The following TYR variants were observed in gnomAD, a reference collection of about 807,000 sequenced individuals.
TYR encodes the protein LB24-AB.
Under a neutral mutation model 51.5 loss-of-function variants are expected in TYR, and 58 were observed. That is an observed-to-expected ratio of 1.13 (90% CI 0.91 to 1.40). TYR has a LOEUF of 1.40. TYR is among the 40% of genes most tolerant of loss of function. The probability of loss-of-function intolerance (pLI) is 0.00; values close to 1 mark genes in which losing one functional copy is unlikely to be tolerated. For missense variants in TYR, 732 were observed against 647.4 expected (o/e 1.13, Z -1.42); for synonymous variants, 263 against 235.2 (o/e 1.12, Z -1.08).
intron 1 of TYR, among the ~76,000 whole-genome samples, chr11:89,189,740 T>A (rs1943417755): frequency 6.6e-6 from 1 of 152,070 alleles, no homozygotes; most frequent in Admixed American, 6.6e-5. Context: ...ATTATCTTCA[T>A]TTGATAGATG....
intron 2 of TYR, among the ~76,000 whole-genome samples, chr11:89,219,125 G>C (rs1316963030): frequency 1.3e-5 from 2 of 152,064 alleles, no homozygotes; most frequent in Non-Finnish European, 2.9e-5. Flanking sequence ...TAAAGTTACT[G>C]TCTTGCATGC....
At chr11:89,184,335 CAA>C (rs2135247035) in intron 1 of TYR, among the ~76,000 whole-genome samples, 1 of 152,132 alleles carries the variant, frequency 6.6e-6, no homozygotes, top group Non-Finnish European at 1.5e-5. Context: ...TGAGATTACT[CAA>C]AGAGGAATAA....
chr11:89,282,750 C>T (rs1162232965), intron 3 of TYR, among the ~76,000 whole-genome samples: 1 of 151,750 alleles, frequency 6.6e-6, no homozygotes, highest in Non-Finnish European at 1.5e-5. Context: ...TCTAATTTCT[C>T]ATTTTTGCCT....
chr11:89,285,452 T>C (rs1265665339), intron 4 of TYR, among the ~76,000 whole-genome samples: 1 of 151,740 alleles, frequency 6.6e-6, no homozygotes, highest in African/African-American at 2.4e-5. Context: ...TTTGTAGAAA[T>C]CTTGAACTTA....
At chr11:89,284,570 A>G (rs1403772984) in intron 3 of TYR, among the ~76,000 whole-genome samples, 4 of 151,916 alleles carry the variant, frequency 2.6e-5, no homozygotes, top group Admixed American at 2.0e-4. Flanking sequence ...AGCTAGCCTC[A>G]ATATTTATTT....
rs772562222 is a variant in TYR at position 89,178,041 on chromosome 11, C to G, written c.88C>G (p.Leu30Val). The G allele has an allele frequency of 6.2e-7, 1 of 1,614,202 alleles. No individual in the cohort carries two copies. Among genetic ancestry groups the G allele is most frequent in the South Asian group, 1.1e-5 (1 of 91,088 alleles). ...TAGAGCCTGTGTCTCCTCTAAGAAC[C>G]TGATGGAGAAGGAATGCTGTCCACC... is the stretch of plus-strand genomic sequence containing the variant. The part of the protein sequence containing the change: ...FPRACVSSKN[L>V]MEKECCPPWS... Residue 30 changes from leucine to valine, a missense_variant, in exon 1 of 5, where the codon CTG (leucine) becomes GTG (valine). Coordinates refer to ENST00000263321, the MANE Select transcript of TYR (RefSeq NM_000372.5).
At chr11:89,294,558 C>G (rs1713897620) in intron 4 of TYR, among the ~76,000 whole-genome samples, 1 of 152,206 alleles carries the variant, frequency 6.6e-6, no homozygotes, top group South Asian at 2.1e-4. Flanking sequence ...CACTGCGGCC[C>G]GGTAACCAAG....
chr11:89,240,552 T>C (rs1482800778), intron 3 of TYR, among the ~76,000 whole-genome samples: 4 of 152,168 alleles, frequency 2.6e-5, no homozygotes, highest in Non-Finnish European at 5.9e-5. Flanking sequence ...AATGTTTTAA[T>C]GGTACTTTTT....
At chr11:89,227,313 T>G (rs1408072369) in intron 2 of TYR, among the ~76,000 whole-genome samples, 1 of 152,140 alleles carries the variant, frequency 6.6e-6, no homozygotes, top group East Asian at 1.9e-4. Context: ...CATTATGAAC[T>G]GATATGAAAG....
Position 89,295,047 on chromosome 11 carries a change from A to G in TYR, c.1367-96A>G, listed in dbSNP as rs1004916683. On this transcript the variant is annotated intron_variant, in intron 4 of 4. Transcript: ENST00000263321. ...AGTAGTAGAGCTGGCCTTCAAACCC[A>G]GGTGTCTACTCCAAAGGACTGTGAA... The G allele has an allele frequency of 3.8e-6, 6 of 1,559,894 alleles. No homozygotes were observed. In the African/African-American group the frequency reaches 5.4e-5, roughly 14 times the overall value.
chr11:89,198,774 T>G (rs1943558217), intron 2 of TYR, among the ~76,000 whole-genome samples: 1 of 151,776 alleles, frequency 6.6e-6, no homozygotes. Flanking sequence ...TATATATTTT[T>G]ATACTTTAAG....
Position 89,182,442 on chromosome 11 carries a change from C to A in TYR, c.819+3670C>A, listed in dbSNP as rs367574991. Among the ~76,000 whole-genome samples the A allele has an allele frequency of 7.2e-5, 11 of 151,968 alleles. 1 individual carries two copies. Among genetic ancestry groups the A allele is most frequent in the African/African-American group, 2.4e-4 (10 of 41,390 alleles). ...AATTTGGGTATAATATATCTTGTGT[C>A]GTTCTCTCTGGTAGTTCCATATGTA... On this transcript the variant is annotated intron_variant, in intron 1 of 4. Transcript: ENST00000263321.
chr11:89,193,797 T>A (rs1466853703), intron 2 of TYR, among the ~76,000 whole-genome samples: 2 of 152,158 alleles, frequency 1.3e-5, no homozygotes, highest in African/African-American at 2.4e-5. Context: ...CTTACAGAGA[T>A]GTTGTGAAAA....
At chr11:89,292,774 A>G (rs879240748) in intron 4 of TYR, among the ~76,000 whole-genome samples, 2 of 152,170 alleles carry the variant, frequency 1.3e-5, no homozygotes, top group Admixed American at 6.5e-5. Flanking sequence ...TCAATACATT[A>G]CAAAAGTTGT....
chr11:89,186,482 C>T (rs1943374423), intron 1 of TYR, among the ~76,000 whole-genome samples: 1 of 152,084 alleles, frequency 6.6e-6, no homozygotes, highest in Admixed American at 6.6e-5. Flanking sequence ...ACCTAGTTTC[C>T]ACCTCCTCAC....
In TYR at chr11:89,178,738, T is replaced by C; in HGVS notation, c.785T>C (p.Leu262Ser). 1 of 1,614,132 alleles carries C rather than the reference T, an allele frequency of 6.2e-7. No individual in the cohort carries two copies. Among genetic ancestry groups the C allele is most frequent in the Non-Finnish European group, 8.5e-7 (1 of 1,180,014 alleles). Residue 262 changes from leucine (L) to serine (S), a missense_variant, in exon 1 of 5, where the codon TTA (leucine) becomes TCA (serine). Transcript: ENST00000263321. ...GGTCAGCACCCCACAAATCCTAACT[T>C]ACTCAGCCCAGCATCATTCTTCTCC... ...MGGQHPTNPN[L>S]LSPASFFSSW...
At chr11:89,206,945 T>C (rs1281947354) in intron 2 of TYR, among the ~76,000 whole-genome samples, 2 of 152,026 alleles carry the variant, frequency 1.3e-5, no homozygotes, top group Non-Finnish European at 2.9e-5. Context: ...AAACCAAACT[T>C]ACCAAAATTT....
intron 3 of TYR, among the ~76,000 whole-genome samples, chr11:89,272,360 C>T (rs1303405182): frequency 4.0e-5 from 6 of 151,692 alleles, no homozygotes; most frequent in Admixed American, 6.6e-5. Flanking sequence ...TCTTGGGTGA[C>T]CTTGTCAATG....
intron 1 of TYR, among the ~76,000 whole-genome samples, chr11:89,181,518 G>C (rs1287912118): frequency 6.6e-6 from 1 of 152,182 alleles, no homozygotes; most frequent in East Asian, 1.9e-4. Context: ...ATTTGTGTGA[G>C]ATGAGATCAA....
Sources: allele counts gnomAD v4.1 joint callset (sites outside exome capture counted in the v4.1 genomes callset), GRCh38; gene constraint gnomAD v4.1.1; transcripts MANE v1.5; gene names NCBI Gene and HGNC (gene_info 2026-07-23, HGNC 2026-07-21).